DLG2: variants seen among roughly 807,000 people sequenced by gnomAD.
The protein encoded by DLG2 is discs large MAGUK scaffold protein 2.
DLG2 carries 45 observed loss-of-function variants against 132.5 expected under a neutral mutation model. That is an observed-to-expected ratio of 0.34 (90% CI 0.27 to 0.44). DLG2 has a LOEUF of 0.44. Ranked by LOEUF, DLG2 falls within the 20% of genes least tolerant of loss-of-function variation. The probability of loss-of-function intolerance (pLI) is 1.00; values close to 1 mark genes in which losing one functional copy is unlikely to be tolerated. For synonymous variants in DLG2, 424 were observed against 419.6 expected (o/e 1.01, Z -0.13); for missense variants, 1,045 against 1,196.9 (o/e 0.87, Z 1.87).
chr11:84,426,173 T>C (rs139458883), intron 7 of DLG2, among the ~76,000 whole-genome samples: 49 of 152,226 alleles, frequency 3.2e-4, no homozygotes, highest in African/African-American at 1.1e-3. Context: ...CAATATTTGA[T>C]CATGAGAAAT....
intron 3 of DLG2, among the ~76,000 whole-genome samples, chr11:85,290,129 AG>A (rs1335229645): frequency 6.6e-6 from 1 of 152,150 alleles, no homozygotes; most frequent in Non-Finnish European, 1.5e-5. Flanking sequence ...ATCTAACAGA[AG>A]AAAAATCATT....
At chr11:84,827,676 CAAAAAAAAAAA>C (rs398016953) in intron 6 of DLG2, among the ~76,000 whole-genome samples, 4 of 35,090 alleles carry the variant, frequency 1.1e-4, no homozygotes, top group Non-Finnish European at 1.9e-4. Flanking sequence ...TACATACAGT[CAAAAAAAAAAA>C]AAAAAAAAAA....
intron 6 of DLG2, among the ~76,000 whole-genome samples, chr11:84,811,741 A>G (rs2076581163): frequency 6.6e-6 from 1 of 152,202 alleles, no homozygotes; most frequent in Non-Finnish European, 1.5e-5. Flanking sequence ...TATGTACTGC[A>G]TGCCTACTCT....
chr11:84,223,021 G>C (rs1165339691), intron 8 of DLG2, among the ~76,000 whole-genome samples: 2 of 152,174 alleles, frequency 1.3e-5, no homozygotes, highest in African/African-American at 4.8e-5. Context: ...CCTCCAGTGT[G>C]GTGAGTACAA....
chr11:84,565,263 T>G (rs188961830), intron 6 of DLG2, among the ~76,000 whole-genome samples: 1 of 152,294 alleles, frequency 6.6e-6, no homozygotes, highest in Admixed American at 6.5e-5. Flanking sequence ...AATGTCTCTA[T>G]TAGCTGGAAG....
At position 84,428,689 on chromosome 11, in the gene DLG2, C is replaced by T. The variant is rs2098974922; in HGVS notation, c.519+105881G>A. 2.0e-5 allele frequency among the ~76,000 whole-genome samples: 3 copies of T among 152,304 alleles called. No homozygotes were observed. The South Asian group carries it at 6.2e-4, about 32-fold the overall frequency. ...TTAACCTTAATTACCACCTAGAAGTCCTATCTCCAAATACAGTCACACTGA... is the reference window on the plus strand; with the variant it reads ...TTAACCTTAATTACCACCTAGAAGTTCTATCTCCAAATACAGTCACACTGA... On this transcript the variant is annotated intron_variant, in intron 7 of 27. Coordinates refer to ENST00000376104, the MANE Select transcript of DLG2 (RefSeq NM_001142699.3).
intron 3 of DLG2, among the ~76,000 whole-genome samples, chr11:85,598,111 C>A (rs1463272695): frequency 3.9e-5 from 6 of 151,900 alleles, no homozygotes; most frequent in Admixed American, 6.6e-5. Flanking sequence ...AGCTTCATGA[C>A]AAATTGCTAA....
intron 4 of DLG2, among the ~76,000 whole-genome samples, chr11:85,212,516 T>C (rs2082319168): frequency 6.6e-6 from 1 of 152,108 alleles, no homozygotes; most frequent in East Asian, 1.9e-4. Context: ...AAAACAACCA[T>C]TAATATTAGG....
chr11:85,181,026 A>T lies in DLG2; in HGVS notation c.187-26375T>A, dbSNP rs114978543. ...TCATAGAAATCTTATTTAATCAACA[A>T]ATTTATCAATTGTTTATTATTTAAT... On this transcript the variant is annotated intron_variant, in intron 4 of 27. Coordinates refer to ENST00000376104, the MANE Select transcript of DLG2 (RefSeq NM_001142699.3). Among the ~76,000 whole-genome samples, 264 of 151,732 alleles carry T rather than the reference A, an allele frequency of 1.7e-3. 1 individual carries two copies. The highest frequency in any genetic ancestry group is 6.3e-3 in the African/African-American group (259 of 41,368).
chr11:84,609,957 T>A (rs2099592493), intron 6 of DLG2, among the ~76,000 whole-genome samples: 1 of 152,182 alleles, frequency 6.6e-6, no homozygotes, highest in African/African-American at 2.4e-5. Context: ...TTCTATGAAA[T>A]CCTTTATGCT....
intron 6 of DLG2, among the ~76,000 whole-genome samples, chr11:84,570,129 T>G (rs551307584): frequency 6.6e-6 from 1 of 152,168 alleles, no homozygotes; most frequent in African/African-American, 2.4e-5. Context: ...GATTCTATGA[T>G]TTGGCATATA....
rs1294003339 is a variant in DLG2 at position 85,598,661 on chromosome 11, C to T, written c.36G>A (p.Leu12=). 5.1e-6 allele frequency: 8 copies of T among 1,570,344 alleles called. No homozygotes were observed. The highest frequency in any genetic ancestry group is 2.4e-5 in the South Asian group (2 of 83,734). The part of the protein sequence containing the change: ...GIFKSSLFQA[L]LDIQEFYEVT... ...AATAACTTTCATAATACATACCTAGCAAAGCTTGGAATAAGCTGCTCTTAA... is the reference window on the plus strand; with the variant it reads ...AATAACTTTCATAATACATACCTAGTAAAGCTTGGAATAAGCTGCTCTTAA... Residue 12 remains leucine, a synonymous_variant, in exon 3 of 28, where the codon TTG becomes TTA. Transcript: ENST00000376104.
intron 6 of DLG2, among the ~76,000 whole-genome samples, chr11:84,834,381 A>T (rs2079438194): frequency 3.3e-5 from 5 of 151,608 alleles, no homozygotes; most frequent in Admixed American, 2.6e-4. Context: ...GTTCACAGAC[A>T]ACTTTAAAGG....
At chr11:85,277,359 T>C (rs1183053419) in intron 4 of DLG2, among the ~76,000 whole-genome samples, 1 of 152,136 alleles carries the variant, frequency 6.6e-6, no homozygotes, top group Non-Finnish European at 1.5e-5. Context: ...CAAGAAGTTA[T>C]GAATAATAGT....
rs868204600 is a variant in DLG2, at chr11:85,533,357, G to A, written c.40+65300C>T. On this transcript the variant is annotated intron_variant, in intron 3 of 27. Coordinates refer to ENST00000376104, the MANE Select transcript of DLG2 (RefSeq NM_001142699.3). ...TGTTTTATTGTGATTTTTTTTAACT[G>A]GCTAAGGTGTGCCTTTGGTTTTACT... Among the ~76,000 whole-genome samples, 4 of 151,274 alleles carry A rather than the reference G, an allele frequency of 2.6e-5. No homozygotes were observed. The South Asian group carries it at 8.4e-4, about 32-fold the overall frequency.
At chr11:83,900,460 G>T (rs1321439454) in intron 15 of DLG2, among the ~76,000 whole-genome samples, 2 of 152,144 alleles carry the variant, frequency 1.3e-5, no homozygotes, top group African/African-American at 4.8e-5. Flanking sequence ...TGGTCCCAGG[G>T]TACCTCTGGT....
intron 16 of DLG2, among the ~76,000 whole-genome samples, chr11:83,872,270 T>C (rs949767179): frequency 5.9e-5 from 9 of 152,182 alleles, no homozygotes; most frequent in South Asian, 4.1e-4. Context: ...CTCAAACAAA[T>C]TGGCGAGTTG....
intron 15 of DLG2, among the ~76,000 whole-genome samples, chr11:83,915,557 C>G (rs1416589011): frequency 3.3e-5 from 5 of 151,994 alleles, no homozygotes; most frequent in African/African-American, 1.2e-4. Flanking sequence ...ATCTGAAAAC[C>G]TTCTTCTGAA....
intron 22 of DLG2, 99 bp downstream of exon 22, chr11:83,484,030 C>T: frequency 1.1e-6 from 1 of 934,104 alleles, no homozygotes; most frequent in South Asian, 1.3e-5. Context: ...GTGTTGTTTG[C>T]CTAGGTGTGT....
Sources: allele counts gnomAD v4.1 joint callset (sites outside exome capture counted in the v4.1 genomes callset), GRCh38; gene constraint gnomAD v4.1.1; transcripts MANE v1.5; gene names NCBI Gene and HGNC (gene_info 2026-07-23, HGNC 2026-07-21).